LMX1A: variants seen among roughly 807,000 people sequenced by gnomAD.
LMX1A encodes LIM homeobox transcription factor 1 alpha, also known as LIM homeobox transcription factor 1-alpha.
A neutral mutation model predicts 49.1 loss-of-function variants in LMX1A; 15 were observed. That is an observed-to-expected ratio of 0.31 (90% CI 0.20 to 0.47). The LOEUF is 0.47. Among genes scored for constraint, LMX1A ranks in the 20% least tolerant of loss-of-function variants. The pLI, the probability that LMX1A is intolerant of heterozygous loss-of-function variation, is 1.00. For synonymous variants in LMX1A, 167 were observed against 185.7 expected (o/e 0.90, Z 0.82); for missense variants, 372 against 475.8 (o/e 0.78, Z 2.03).
intron 3 of LMX1A, among the ~76,000 whole-genome samples, chr1:165,284,513 G>C (rs1239303144): frequency 6.6e-6 from 1 of 152,198 alleles, no homozygotes; most frequent in African/African-American, 2.4e-5. Flanking sequence ...GCAGGCTGTG[G>C]AGGTCAGAGT....
chr1:165,316,848 G>T (rs1655244193), intron 3 of LMX1A, among the ~76,000 whole-genome samples: 1 of 152,144 alleles, frequency 6.6e-6, no homozygotes, highest in Non-Finnish European at 1.5e-5. Flanking sequence ...GGATCCCACA[G>T]GGCACTCGGG....
At chr1:165,275,797 C>G (rs907382041) in intron 3 of LMX1A, among the ~76,000 whole-genome samples, 1 of 151,590 alleles carries the variant, frequency 6.6e-6, no homozygotes, top group African/African-American at 2.4e-5. Context: ...GAGGACTGTG[C>G]TCTCATGCCT....
chr1:165,277,135 G>A (rs1653993351), intron 3 of LMX1A, among the ~76,000 whole-genome samples: 1 of 152,256 alleles, frequency 6.6e-6, no homozygotes, highest in African/African-American at 2.4e-5. Context: ...GAGTGCCTGA[G>A]TAATGGATTT....
intron 3 of LMX1A, among the ~76,000 whole-genome samples, chr1:165,351,612 GA>G (rs1656430279): frequency 6.6e-6 from 1 of 152,010 alleles, no homozygotes; most frequent in Admixed American, 6.6e-5. Context: ...TTTTAGTTCT[GA>G]AAAAAGCCAA....
At chr1:165,353,352 T>A in intron 2 of LMX1A, 90 bp from the exon 3 acceptor site, 2 of 1,010,838 alleles carry the variant, frequency 2.0e-6, no homozygotes, top group Middle Eastern at 2.9e-4. Context: ...TCCCTTCACA[T>A]CCACGGATTC....
intron 6 of LMX1A, among the ~76,000 whole-genome samples, chr1:165,210,029 T>G (rs1385677648): frequency 6.6e-6 from 1 of 152,228 alleles, no homozygotes; most frequent in African/African-American, 2.4e-5. Flanking sequence ...TCTCCACATA[T>G]TTTGTCACAG....
intron 4 of LMX1A, among the ~76,000 whole-genome samples, chr1:165,239,747 G>C (rs1205582682): frequency 2.0e-5 from 3 of 152,152 alleles, no homozygotes; most frequent in Non-Finnish European, 4.4e-5. Flanking sequence ...ATATAAATAT[G>C]TGAACTCTTG....
At chr1:165,235,105 C>T (rs538431839) in intron 4 of LMX1A, among the ~76,000 whole-genome samples, 1 of 152,216 alleles carries the variant, frequency 6.6e-6, no homozygotes, top group Admixed American at 6.5e-5. Context: ...CATTTATTTA[C>T]GCCCTTAGAT....
intron 3 of LMX1A, among the ~76,000 whole-genome samples, chr1:165,338,160 T>G (rs1341146618): frequency 6.6e-6 from 1 of 152,162 alleles, no homozygotes; most frequent in African/African-American, 2.4e-5. Flanking sequence ...CCCCAGAAAT[T>G]AGCACAATCT....
chr1:165,215,297 G>A (rs1651603453), intron 4 of LMX1A, among the ~76,000 whole-genome samples: 1 of 152,172 alleles, frequency 6.6e-6, no homozygotes, highest in African/African-American at 2.4e-5. Context: ...TTGGGTGACA[G>A]AGCAAGACTC....
At chr1:165,247,336 C>T (rs1245506558) in intron 4 of LMX1A, among the ~76,000 whole-genome samples, 1 of 151,914 alleles carries the variant, frequency 6.6e-6, no homozygotes, top group African/African-American at 2.4e-5. Context: ...TTGGGAAATT[C>T]GAAATTCTAC....
chr1:165,248,665 T>C (rs12136019), intron 4 of LMX1A, among the ~76,000 whole-genome samples: 18,485 of 152,178 alleles, frequency 0.12, 1,204 homozygotes, highest in Non-Finnish European at 0.15. Flanking sequence ...TGCCTTTCTT[T>C]ATGTGACCTG....
chr1:165,350,891 T>A (rs1412583180), intron 3 of LMX1A, among the ~76,000 whole-genome samples: 1 of 152,196 alleles, frequency 6.6e-6, no homozygotes, highest in Admixed American at 6.5e-5. Context: ...GTAGCTCACA[T>A]CCCTCTGTAA....
chr1:165,272,644 G>A (rs1653832361), intron 3 of LMX1A, among the ~76,000 whole-genome samples: 1 of 152,198 alleles, frequency 6.6e-6, no homozygotes, highest in Admixed American at 6.5e-5. Context: ...GGAAGGAAGA[G>A]GATGAACTGA....
chr1:165,349,810 G>A (rs972877835), intron 3 of LMX1A, among the ~76,000 whole-genome samples: 2 of 152,176 alleles, frequency 1.3e-5, no homozygotes, highest in African/African-American at 4.8e-5. Context: ...TTGAGAGAAT[G>A]AAATTTTAAC....
chr1:165,255,207 G>A (rs1246227487), intron 3 of LMX1A, among the ~76,000 whole-genome samples: 1 of 152,218 alleles, frequency 6.6e-6, no homozygotes, highest in African/African-American at 2.4e-5. Context: ...GCACAAAGAA[G>A]AGACCTATGC....
chr1:165,217,383 CA>C (rs1212110279), intron 4 of LMX1A, among the ~76,000 whole-genome samples: 1 of 152,158 alleles, frequency 6.6e-6, no homozygotes, highest in Non-Finnish European at 1.5e-5. Flanking sequence ...CGTGAACCAA[CA>C]AAGAGAGGGG....
intron 3 of LMX1A, among the ~76,000 whole-genome samples, chr1:165,309,387 G>C (rs1468609949): frequency 6.6e-6 from 1 of 152,260 alleles, no homozygotes; most frequent in Non-Finnish European, 1.5e-5. Flanking sequence ...AACTGAGGAA[G>C]TCCTGGTGGG....
intron 3 of LMX1A, among the ~76,000 whole-genome samples, chr1:165,255,846 G>A (rs1049744820): frequency 2.6e-5 from 4 of 152,058 alleles, no homozygotes; most frequent in Non-Finnish European, 5.9e-5. Flanking sequence ...AGTGGTGCAT[G>A]TCTGTAATCT....
Sources: allele counts gnomAD v4.1 joint callset (sites outside exome capture counted in the v4.1 genomes callset), GRCh38; gene constraint gnomAD v4.1.1; transcripts MANE v1.5; gene names NCBI Gene and HGNC (gene_info 2026-07-23, HGNC 2026-07-21).